RBFOX1: variants seen among roughly 807,000 people sequenced by gnomAD.
RBFOX1 encodes RNA binding protein fox-1 homolog 1.
RBFOX1 carries 8 observed loss-of-function variants against 57.7 expected under a neutral mutation model. That is an observed-to-expected ratio of 0.14 (90% confidence interval 0.08 to 0.25). RBFOX1 has a LOEUF of 0.25. RBFOX1 is among the 10% of genes least tolerant of loss of function. The pLI is 1.00. For missense variants in RBFOX1, 611 were observed against 548.5 expected, an observed-to-expected ratio of 1.11 and a Z score of -1.14; for synonymous variants, 326 against 222.4, an observed-to-expected ratio of 1.47 and a Z score of -4.15.
At chr16:5,412,594 A>G (rs73522509) in intron 1 of RBFOX1, among the ~76,000 whole-genome samples, 207 of 152,288 alleles carry the variant, frequency 1.4e-3, no homozygotes, top group African/African-American at 4.8e-3. Context: ...AAGGGTTTAG[A>G]GTAGGGGAGG....
intron 3 of RBFOX1, among the ~76,000 whole-genome samples, chr16:6,995,150 T>G (rs1248515757): frequency 1.3e-5 from 2 of 152,110 alleles, no homozygotes; most frequent in African/African-American, 4.8e-5. Context: ...ATATCTCAAT[T>G]CTCTTGTTAT....
chr16:6,012,173 C>T (rs2094965141), intron 4 of RBFOX1, among the ~76,000 whole-genome samples: 1 of 152,196 alleles, frequency 6.6e-6, no homozygotes, highest in Non-Finnish European at 1.5e-5. Flanking sequence ...ACCTTGGCGA[C>T]TGTGAGCAAA....
At chr16:5,443,598 C>G (rs1284036020) in intron 1 of RBFOX1, among the ~76,000 whole-genome samples, 1 of 152,182 alleles carries the variant, frequency 6.6e-6, no homozygotes, top group African/African-American at 2.4e-5. Context: ...CCTTGGCCTC[C>G]CAAAGTAGTG....
At chr16:6,554,884 T>C (rs2097068832) in intron 2 of RBFOX1, among the ~76,000 whole-genome samples, 1 of 152,138 alleles carries the variant, frequency 6.6e-6, no homozygotes. Context: ...TCATGAGTGC[T>C]GTAGCTGAGA....
At chr16:7,521,892 C>G (rs1003388557) in intron 5 of RBFOX1, among the ~76,000 whole-genome samples, 1 of 152,170 alleles carries the variant, frequency 6.6e-6, no homozygotes, top group Non-Finnish European at 1.5e-5. Context: ...AATGGGAAAC[C>G]ATCCTGAGTT....
At chr16:7,461,592 T>C (rs925474043) in intron 4 of RBFOX1, among the ~76,000 whole-genome samples, 1 of 152,214 alleles carries the variant, frequency 6.6e-6, no homozygotes, top group Non-Finnish European at 1.5e-5. Context: ...CTCTACGCAG[T>C]ATTCCAGGTC....
At chr16:5,451,537 T>C (rs1181047325) in intron 1 of RBFOX1, among the ~76,000 whole-genome samples, 1 of 152,222 alleles carries the variant, frequency 6.6e-6, no homozygotes, top group Non-Finnish European at 1.5e-5. Flanking sequence ...GACTCAAAGA[T>C]GGAAGGAACT....
At chr16:6,524,960 C>A (rs2096558758) in intron 2 of RBFOX1, among the ~76,000 whole-genome samples, 1 of 152,144 alleles carries the variant, frequency 6.6e-6, no homozygotes, top group South Asian at 2.1e-4. Flanking sequence ...GACCCTATTT[C>A]CAAATAAGGT....
At chr16:6,002,673 G>T (rs1445960576) in intron 4 of RBFOX1, among the ~76,000 whole-genome samples, 1 of 152,168 alleles carries the variant, frequency 6.6e-6, no homozygotes, top group Admixed American at 6.5e-5. Context: ...ACAGCTTCTA[G>T]CACATGATAG....
At chr16:5,518,786 C>G (rs80187773) in intron 2 of RBFOX1, among the ~76,000 whole-genome samples, 5,245 of 152,250 alleles carry the variant, frequency 0.034, 97 homozygotes, top group Middle Eastern at 0.062. Context: ...AACACAGAAA[C>G]AGAGTATGTG....
At chr16:6,742,207 T>A (rs1057267605) in intron 3 of RBFOX1, among the ~76,000 whole-genome samples, 1 of 152,156 alleles carries the variant, frequency 6.6e-6, no homozygotes, top group African/African-American at 2.4e-5. Flanking sequence ...AAAGAGGATA[T>A]ATGGAGGCAA....
intron 1 of RBFOX1, among the ~76,000 whole-genome samples, chr16:5,263,208 G>A (rs1027943691): frequency 3.3e-5 from 5 of 152,128 alleles, no homozygotes; most frequent in African/African-American, 1.2e-4. Context: ...GCATGGAGGA[G>A]GTAGTTATAG....
At chr16:6,806,836 A>T (rs371172179) in intron 3 of RBFOX1, among the ~76,000 whole-genome samples, 2,733 of 91,886 alleles carry the variant, frequency 0.03, 103 homozygotes, top group Non-Finnish European at 0.036. Context: ...ATATATATAT[A>T]TTTTTTTTTT....
At chr16:6,663,226 T>A (rs1283173672) in intron 3 of RBFOX1, among the ~76,000 whole-genome samples, 1 of 152,168 alleles carries the variant, frequency 6.6e-6, no homozygotes. Flanking sequence ...TTACTGACAA[T>A]GGATGGGTGT....
chr16:5,680,446 A>G (rs17138352), intron 3 of RBFOX1, among the ~76,000 whole-genome samples: 9,999 of 152,182 alleles, frequency 0.066, 1,059 homozygotes, highest in African/African-American at 0.22. Context: ...ACTCCACTGT[A>G]TACCTGGAAT....
chr16:5,930,848 C>T (rs1405275331), intron 4 of RBFOX1, among the ~76,000 whole-genome samples: 4 of 104,846 alleles, frequency 3.8e-5, no homozygotes, highest in African/African-American at 1.2e-4. Flanking sequence ...ATGGATTCAC[C>T]GATGGATGCA....
chr16:7,312,063 C>T (rs1480206024), intron 4 of RBFOX1, among the ~76,000 whole-genome samples: 2 of 152,152 alleles, frequency 1.3e-5, no homozygotes, highest in East Asian at 3.9e-4. Flanking sequence ...GTGCAGTGAG[C>T]AGCCTATAGA....
intron 4 of RBFOX1, among the ~76,000 whole-genome samples, chr16:5,936,997 C>G (rs905323408): frequency 6.6e-6 from 1 of 152,118 alleles, no homozygotes; most frequent in African/African-American, 2.4e-5. Context: ...GTCAGTGTAC[C>G]TTTTACTCAA....
At chr16:6,364,757 C>G (rs1258953255) in intron 2 of RBFOX1, among the ~76,000 whole-genome samples, 2 of 152,184 alleles carry the variant, frequency 1.3e-5, no homozygotes, top group East Asian at 1.9e-4. Context: ...TATCAGAGGA[C>G]ATTCTAAGAA....
Sources: allele counts gnomAD v4.1 joint callset (sites outside exome capture counted in the v4.1 genomes callset), GRCh38; gene constraint gnomAD v4.1.1; transcripts MANE v1.5; gene names NCBI Gene and HGNC (gene_info 2026-07-23, HGNC 2026-07-21).